The following MIPOL1 variants were observed in gnomAD, a reference collection of about 807,000 sequenced individuals.
MIPOL1 encodes mirror-image polydactyly gene 1 protein.
MIPOL1 carries 57 observed loss-of-function variants against 60.9 expected under a neutral mutation model. The observed-to-expected ratio is 0.94, with a 90% CI of 0.76 to 1.17. The LOEUF is 1.17. Among genes scored for constraint, MIPOL1 ranks in the 50% most tolerant of loss-of-function variants. The pLI is 0.00. For missense variants in MIPOL1, 551 were observed against 511.6 expected, an observed-to-expected ratio of 1.08 and a Z score of -0.74; for synonymous variants, 179 against 168.8, an observed-to-expected ratio of 1.06 and a Z score of -0.47.
At chr14:37,378,522 A>G (rs2092837261) in intron 10 of MIPOL1, among the ~76,000 whole-genome samples, 8 of 152,018 alleles carry the variant, frequency 5.3e-5, no homozygotes, top group Admixed American at 5.3e-4. Flanking sequence ...GGAACAGGCT[A>G]TGACTATGGA....
chr14:37,487,674 A>C (rs1029577504), intron 11 of MIPOL1, among the ~76,000 whole-genome samples: 2 of 152,136 alleles, frequency 1.3e-5, no homozygotes, highest in African/African-American at 2.4e-5. Context: ...CTGTGGGATC[A>C]GTGGTGATAT....
intron 9 of MIPOL1, among the ~76,000 whole-genome samples, chr14:37,366,845 A>G (rs1198202769): frequency 6.6e-6 from 1 of 152,078 alleles, no homozygotes; most frequent in Non-Finnish European, 1.5e-5. Context: ...TGTTGAGTGC[A>G]TATATATTTA....
intron 1 of MIPOL1, among the ~76,000 whole-genome samples, chr14:37,230,618 C>G (rs1406153998): frequency 2.0e-5 from 3 of 152,144 alleles, no homozygotes; most frequent in African/African-American, 7.2e-5. Flanking sequence ...TATTACTTAT[C>G]AAATGAGAAA....
rs117553945 is a variant in MIPOL1 at position 37,501,263 on chromosome 14, C to T, written c.1262+1125C>T. 7.4e-3 allele frequency among the ~76,000 whole-genome samples: 1,119 copies of T among 152,228 alleles called. 4 individuals are homozygous for T. Among genetic ancestry groups the T allele is most frequent in the Non-Finnish European group, 0.011 (743 of 68,008 alleles). The stretch of plus-strand genomic sequence containing the variant: ...ACTATATGCAGTTATTCACAATGTA[C>T]GTTAATATTCTAAGAACACTATGAT... On this transcript the variant is annotated intron_variant, in intron 12 of 12. Coordinates refer to ENST00000684589, the MANE Select transcript of MIPOL1 (RefSeq NM_001388067.1).
At chr14:37,505,377 C>T (rs967540185) in intron 12 of MIPOL1, 3 of 152,236 alleles carry the variant, frequency 2.0e-5, no homozygotes, top group African/African-American at 7.2e-5. Context: ...CAACCCAAAT[C>T]CAGCAGCACA....
At chr14:37,387,297 ATATAT>A (rs1178695990) in intron 10 of MIPOL1, among the ~76,000 whole-genome samples, 1 of 151,912 alleles carries the variant, frequency 6.6e-6, no homozygotes, top group African/African-American at 2.4e-5. Flanking sequence ...AATAACTATA[ATATAT>A]TAATAAGGAT....
chr14:37,231,415 T>C lies in MIPOL1; in HGVS notation c.-198-15688T>C, dbSNP rs547036270. Among the ~76,000 whole-genome samples, 27 of 152,312 alleles carry C rather than the reference T, an allele frequency of 1.8e-4. No individual in the cohort carries two copies. The East Asian group carries it at 4.4e-3, about 25-fold the overall frequency. On this transcript the variant is annotated intron_variant, in intron 1 of 12. Coordinates refer to ENST00000684589, the MANE Select transcript of MIPOL1 (RefSeq NM_001388067.1). Reference sequence around the variant, plus strand: ...TATTTTCAATATACAGTTGAAATTATTTTAAATGGCTTGCACTCAATGATT... The same window carrying C: ...TATTTTCAATATACAGTTGAAATTACTTTAAATGGCTTGCACTCAATGATT...
At chr14:37,239,272 C>A (rs1971993086) in intron 1 of MIPOL1, among the ~76,000 whole-genome samples, 1 of 151,950 alleles carries the variant, frequency 6.6e-6, no homozygotes, top group African/African-American at 2.4e-5. Context: ...GTCTCGATCT[C>A]CTGACCTTGT....
chr14:37,432,736 C>T (rs1207569153), intron 11 of MIPOL1, among the ~76,000 whole-genome samples: 1 of 151,610 alleles, frequency 6.6e-6, no homozygotes, highest in Non-Finnish European at 1.5e-5. Context: ...ATCCACTGTT[C>T]ATTGCAGCAT....
intron 12 of MIPOL1, among the ~76,000 whole-genome samples, chr14:37,533,726 C>T (rs2095492576): frequency 6.6e-6 from 1 of 152,124 alleles, no homozygotes; most frequent in South Asian, 2.1e-4. Context: ...AAATGGTTGG[C>T]ATTGAATTTG....
intron 9 of MIPOL1, among the ~76,000 whole-genome samples, chr14:37,357,873 G>T (rs2091952353): frequency 2.0e-5 from 3 of 151,694 alleles, no homozygotes; most frequent in Admixed American, 2.0e-4. Flanking sequence ...AAGTTCTAGG[G>T]TACATGTGCA....
intron 7 of MIPOL1, among the ~76,000 whole-genome samples, chr14:37,290,005 C>G (rs2084919946): frequency 6.6e-6 from 1 of 152,184 alleles, no homozygotes; most frequent in Admixed American, 6.5e-5. Flanking sequence ...ATGAATTTCA[C>G]TTTCAAAGGA....
intron 10 of MIPOL1, among the ~76,000 whole-genome samples, chr14:37,405,582 AT>A (rs2093571768): frequency 6.6e-6 from 1 of 152,142 alleles, no homozygotes; most frequent in Admixed American, 6.5e-5. Flanking sequence ...TTTCTTGTTT[AT>A]TTTTATAATA....
At chr14:37,449,015 C>T (rs2094379860) in intron 11 of MIPOL1, among the ~76,000 whole-genome samples, 1 of 152,126 alleles carries the variant, frequency 6.6e-6, no homozygotes, top group African/African-American at 2.4e-5. Context: ...TCTGTATCTT[C>T]TCAAGAACTA....
intron 10 of MIPOL1, among the ~76,000 whole-genome samples, chr14:37,419,099 A>G (rs1288894168): frequency 2.0e-5 from 3 of 152,182 alleles, no homozygotes; most frequent in African/African-American, 7.2e-5. Context: ...AAATCAGCCA[A>G]ATGTCTAACA....
intron 12 of MIPOL1, chr14:37,502,480 G>C (rs1170580791): frequency 6.6e-6 from 1 of 152,498 alleles, no homozygotes; most frequent in African/African-American, 2.4e-5. Context: ...AGGCAAACAG[G>C]GTTTGGGTGG....
intron 9 of MIPOL1, among the ~76,000 whole-genome samples, chr14:37,340,552 A>T (rs1017306230): frequency 6.6e-6 from 1 of 151,992 alleles, no homozygotes; most frequent in African/African-American, 2.4e-5. Flanking sequence ...TCTACAAAAA[A>T]TGCAGAAATT....
At position 37,234,993 on chromosome 14, in the gene MIPOL1, G is replaced by A. The variant is rs200321700; in HGVS notation, c.-198-12110G>A. ...TTTTTCATAGAGACAGGGTTTCACC[G>A]TGTTAGCCAGGATGGTCTTGATCTC... On this transcript the variant is annotated intron_variant, in intron 1 of 12. Coordinates refer to ENST00000684589, the MANE Select transcript of MIPOL1 (RefSeq NM_001388067.1). Among the ~76,000 whole-genome samples the A allele has an allele frequency of 3.7e-5, 5 of 133,764 alleles. No homozygotes were observed. In the South Asian group the frequency reaches 7.0e-4, roughly 19 times the overall value. 87.8% of individuals were successfully genotyped at this position (133,764 alleles called of 152,430 possible). A position where few individuals can be genotyped will look rare whatever the true frequency, so the allele number is the denominator to read the frequency against.
intron 3 of MIPOL1, among the ~76,000 whole-genome samples, chr14:37,254,354 A>G (rs953954422): frequency 1.3e-5 from 2 of 151,862 alleles, no homozygotes; most frequent in African/African-American, 4.8e-5. Flanking sequence ...CTAACTGGTT[A>G]TGACATTTGT....
Sources: gnomAD v4.1 joint callset for allele counts (sites outside exome capture counted in the v4.1 genomes callset) on GRCh38, gnomAD v4.1.1 for gene constraint, MANE v1.5 for transcripts, NCBI Gene and HGNC (gene_info 2026-07-23, HGNC 2026-07-21) for gene names.